Variants in DDX11 observed in about 807,000 individuals in gnomAD.
The protein encoded by DDX11 is ATP-dependent DNA helicase DDX11.
A neutral mutation model predicts 125.2 loss-of-function variants in DDX11; 72 were observed. The observed-to-expected ratio is 0.58, with a 90% CI of 0.48 to 0.70. The LOEUF (loss-of-function observed/expected upper bound fraction) is 0.70. DDX11 is among the 30% of genes least tolerant of loss of function. The probability of loss-of-function intolerance (pLI) is 0.00; values close to 1 mark genes in which losing one functional copy is unlikely to be tolerated. For missense variants in DDX11, 883 were observed against 1,165.0 expected, an observed-to-expected ratio of 0.76 and a Z score of 3.52; for synonymous variants, 347 against 452.6, an observed-to-expected ratio of 0.77 and a Z score of 2.96.
chr12:31,079,213 T>C lies in DDX11; in HGVS notation c.144+676T>C, dbSNP rs1256143473. 2.6e-5 allele frequency among the ~76,000 whole-genome samples: 4 copies of C among 152,140 alleles called. No homozygotes were observed. The East Asian group carries it at 7.7e-4, about 29-fold the overall frequency. The stretch of plus-strand genomic sequence containing the variant: ...CAATATGTCTTAATATTCTGTTTTT[T>C]CTAGTTAATAATTGCCCTTTTAAAG... On this transcript the variant is annotated intron_variant, in intron 2 of 26. Transcript: ENST00000542838.
intron 2 of DDX11, among the ~76,000 whole-genome samples, chr12:31,083,480 G>A (rs1942432952): frequency 6.6e-6 from 1 of 152,004 alleles, no homozygotes; most frequent in South Asian, 2.1e-4. Flanking sequence ...TTCTTTTAGG[G>A]GACTTTTTGT....
chr12:31,076,436 G>A (rs901061371), intron 1 of DDX11, among the ~76,000 whole-genome samples: 15 of 150,764 alleles, frequency 9.9e-5, no homozygotes, highest in African/African-American at 2.0e-4. Context: ...CTTACTCTCA[G>A]TTTGTGAACC....
intron 3 of DDX11, 67 bp downstream of exon 3, chr12:31,084,128 C>G (rs551737619): frequency 6.3e-7 from 1 of 1,592,064 alleles, no homozygotes; most frequent in Non-Finnish European, 8.6e-7. Context: ...TGTTCTGGGG[C>G]GATTCCGAGA....
intron 5 of DDX11, chr12:31,087,672 C>G: frequency 1.8e-6 from 1 of 551,642 alleles, no homozygotes; most frequent in Non-Finnish European, 3.3e-6. Flanking sequence ...TGCCATGAGT[C>G]CCGAGGCTTC....
At chr12:31,098,090 G>A in intron 18 of DDX11, 93 bp downstream of exon 18, 1 of 1,054,190 alleles carries the variant, frequency 9.5e-7, no homozygotes, top group Non-Finnish European at 1.4e-6. Context: ...TCTCTCCTGG[G>A]GCCCCAAGCC....
chr12:31,099,152 A>ATC (rs1176485363), intron 18 of DDX11, among the ~76,000 whole-genome samples: 1 of 135,938 alleles, frequency 7.4e-6, no homozygotes, highest in Non-Finnish European at 1.5e-5. Context: ...CAGTGACCTG[A>ATC]TCACGGCTCT....
In DDX11 at chr12:31,102,298, C is replaced by T; in HGVS notation, c.2258C>T (p.Ser753Phe). ...HQVEQVLLAY[S>F]RCIQACGQER... Reference sequence around the variant, plus strand: ...GTGGAGCAGGTGCTGCTGGCATATTCCAGGTGCATCCAGGTGCGGGCGTCA... The same window carrying T: ...GTGGAGCAGGTGCTGCTGGCATATTTCAGGTGCATCCAGGTGCGGGCGTCA... Residue 753 changes from serine to phenylalanine, a missense_variant, in exon 22 of 27, where the codon TCC (serine) becomes TTC (phenylalanine). By Grantham distance (155) the Ser-to-Phe change is radical (BLOSUM62 -2). Coordinates refer to ENST00000542838, the MANE Select transcript of DDX11 (RefSeq NM_030653.4). 1.2e-6 allele frequency: 2 copies of T among 1,614,096 alleles called. No individual in the cohort carries two copies. The highest frequency in any genetic ancestry group is 1.7e-6 in the Non-Finnish European group (2 of 1,179,938).
chr12:31,077,336 T>C (rs922332403), intron 1 of DDX11, among the ~76,000 whole-genome samples: 35 of 152,174 alleles, frequency 2.3e-4, no homozygotes, highest in African/African-American at 8.2e-4. Flanking sequence ...GAGTTTTTCT[T>C]AGACCTTAGC....
chr12:31,096,337 G>A lies in DDX11; in HGVS notation c.1483-4G>A. 1 of 1,610,766 alleles carries A rather than the reference G, an allele frequency of 6.2e-7. No homozygotes were observed. The highest frequency in any genetic ancestry group is 1.1e-5 in the South Asian group (1 of 90,850). On this transcript the variant is annotated splice_region_variant and splice_polypyrimidine_tract_variant and intron_variant, in intron 14 of 26. Coordinates refer to ENST00000542838, the MANE Select transcript of DDX11 (RefSeq NM_030653.4). ...ATGCCTACAGCTGGGCTTGGTTTTTGCAGGTGCAGCGATACTGTGAGAAGA... is the reference window on the plus strand; with the variant it reads ...ATGCCTACAGCTGGGCTTGGTTTTTACAGGTGCAGCGATACTGTGAGAAGA...
Position 31,084,637 on chromosome 12 carries a change from A to G in DDX11, c.448A>G (p.Arg150Gly), listed in dbSNP as rs779467610. Residue 150 changes from arginine (R) to glycine (G), a missense_variant, in exon 4 of 27, where the codon AGG becomes GGG. Transcript: ENST00000542838. ...REERLQQLQHRVQLKYAAKRL... is the reference protein window; with the variant it reads ...REERLQQLQHGVQLKYAAKRL... ...AGAACGCCTGCAGCAGCTGCAGCAC[A>G]GGGTGCAGCTCAAGTATGCAGCCAA... is the stretch of plus-strand genomic sequence containing the variant. The G allele has an allele frequency of 7.5e-6, 12 of 1,591,962 alleles. No homozygotes were observed. The highest frequency in any genetic ancestry group is 1.3e-5 in the African/African-American group (1 of 74,378).
intron 12 of DDX11, among the ~76,000 whole-genome samples, chr12:31,093,892 A>G (rs1373906072): frequency 6.8e-6 from 1 of 147,750 alleles, no homozygotes; most frequent in Admixed American, 6.8e-5. Context: ...GATATTAAGG[A>G]TACAGCATCA....
intron 4 of DDX11, 93 bp downstream of exon 4, chr12:31,084,762 C>T: frequency 2.4e-6 from 3 of 1,253,796 alleles, no homozygotes; most frequent in Non-Finnish European, 3.4e-6. Flanking sequence ...TTGGTCTCCC[C>T]TCCGTGACCC....
intron 1 of DDX11, among the ~76,000 whole-genome samples, chr12:31,075,922 T>C (rs902889259): frequency 6.6e-6 from 1 of 150,570 alleles, no homozygotes; most frequent in African/African-American, 2.5e-5. Flanking sequence ...GGGTGAGGAG[T>C]GGGGGTGGTG....
At chr12:31,076,295 C>G (rs1451962851) in intron 1 of DDX11, among the ~76,000 whole-genome samples, 1 of 152,204 alleles carries the variant, frequency 6.6e-6, no homozygotes, top group Non-Finnish European at 1.5e-5. Flanking sequence ...TATCCGGCAC[C>G]TGGCTGAGCA....
rs1241698608 is a variant in DDX11, at chr12:31,084,590, A to G, written c.401A>G (p.Gln134Arg). Reference sequence around the variant, plus strand: ...CATGTCTGCCTCCTGTAGGCGGAGCAGGCCAGGAGGAAGCAGCGAGAAGAA... The same window carrying G: ...CATGTCTGCCTCCTGTAGGCGGAGCGGGCCAGGAGGAAGCAGCGAGAAGAA... ...RDLVDRLKAE[Q>R]ARRKQREERL... The change falls in exon 4 of 27, where the codon CAG becomes CGG. Residue 134 changes from glutamine to arginine, a missense_variant. Physicochemically the swap from Gln to Arg is conservative, Grantham distance 43. Around this residue, in one of 5 missense-constraint regions of DDX11, gnomAD observed 283 missense variants for 359.6 expected, o/e 0.79. Transcript: ENST00000542838. 1 of 1,596,434 alleles carries G rather than the reference A, an allele frequency of 6.3e-7. No individual in the cohort carries two copies.
intron 18 of DDX11, among the ~76,000 whole-genome samples, chr12:31,099,593 C>A (rs1004898275): frequency 2.0e-5 from 3 of 149,848 alleles, no homozygotes; most frequent in African/African-American, 5.0e-5. Context: ...TAGAGTGTAA[C>A]CCACTAAGGA....
At position 31,104,150 on chromosome 12, in the gene DDX11, G is replaced by A; in HGVS notation, c.*314G>A. On this transcript the variant is annotated 3_prime_UTR_variant, in exon 27 of 27. Coordinates refer to ENST00000542838, the MANE Select transcript of DDX11 (RefSeq NM_030653.4). ...GCTTCCTTCCTGGTCTCCGCAGGAG[G>A]CTGTGGCAGCTGTGGCATCCACTGT... 2 of 1,446,664 alleles carry A rather than the reference G, an allele frequency of 1.4e-6. No homozygotes were observed. Among genetic ancestry groups the A allele is most frequent in the South Asian group, 2.9e-5 (2 of 67,848 alleles). The allele number at this position is 1,446,664 out of a possible 1,614,324, so 89.6% of individuals were successfully genotyped here.
intron 10 of DDX11, among the ~76,000 whole-genome samples, 155 bp from the exon 11 acceptor site, chr12:31,092,691 G>A (rs950698306): frequency 2.0e-5 from 3 of 152,228 alleles, no homozygotes; most frequent in African/African-American, 7.2e-5. Context: ...CCTAAGGGCT[G>A]TGGAAACCCG....
In DDX11 at chr12:31,101,028, T is replaced by A. The variant is rs748065381; in HGVS notation, c.1950T>A (p.Gly650=). The A allele has an allele frequency of 3.7e-6, 6 of 1,613,762 alleles. No homozygotes were observed. The highest frequency in any genetic ancestry group is 1.1e-5 in the South Asian group (1 of 91,076). Residue 650 remains glycine, a splice_region_variant and synonymous_variant, in exon 20 of 27, where the codon GGT becomes GGA. Coordinates refer to ENST00000542838, the MANE Select transcript of DDX11 (RefSeq NM_030653.4). ...EAERVVEFSC[G]HVIPPDNILP... is the part of the protein sequence containing the mutation. ...CGGCCCCTCCCTGGCTCTTACCAGG[T>A]CACGTGATCCCTCCAGACAACATCC...
Sources: gnomAD v4.1 joint callset for allele counts (sites outside exome capture counted in the v4.1 genomes callset) on GRCh38, gnomAD v4.1.1 for gene constraint, gnomAD v4.1.1 regional missense constraint, MANE v1.5 for transcripts, NCBI Gene and HGNC (gene_info 2026-07-23, HGNC 2026-07-21) for gene names.